The following PXK variants were observed in gnomAD, a reference collection of about 807,000 sequenced individuals.
PXK encodes the protein PX domain containing serine/threonine kinase like.
A neutral mutation model predicts 84.7 loss-of-function variants in PXK; 35 were observed. That is an observed-to-expected ratio of 0.41 (90% CI 0.32 to 0.55). The LOEUF (loss-of-function observed/expected upper bound fraction) is 0.55. Ranked by LOEUF, PXK falls within the 20% of genes least tolerant of loss-of-function variation. PXK has a pLI of 0.21. For missense variants in PXK, 634 were observed against 699.7 expected (o/e 0.91, Z 1.06); for synonymous variants, 253 against 260.8 (o/e 0.97, Z 0.29).
chr3:58,377,616 AAAAAG>A (rs200403964), intron 3 of PXK, among the ~76,000 whole-genome samples: 42,426 of 149,254 alleles, frequency 0.28, 6,673 homozygotes, highest in Middle Eastern at 0.38. Flanking sequence ...AAAAAAAAAA[AAAAAG>A]AAAAGAAAGA....
At chr3:58,341,734 TG>T (rs2097735604) in intron 1 of PXK, among the ~76,000 whole-genome samples, 2 of 151,818 alleles carry the variant, frequency 1.3e-5, no homozygotes, top group African/African-American at 4.8e-5. Context: ...TGAGGAGTCT[TG>T]CTTTGTTGCC....
At position 58,400,682 on chromosome 3, in the gene PXK, G is replaced by C. The variant is rs1053710469; in HGVS notation, c.1181+1305G>C. Among the ~76,000 whole-genome samples the C allele has an allele frequency of 6.6e-6, 1 of 152,048 alleles. No individual in the cohort carries two copies. The highest frequency in any genetic ancestry group is 1.5e-5 in the Non-Finnish European group (1 of 68,006). On this transcript the variant is annotated intron_variant, in intron 12 of 17. Transcript: ENST00000356151. This position sits in a 1 kb window ranked among gnomAD's most constrained non-coding sequence, Gnocchi z 4.0. ...TCCCAGCACTTTGGGAGGCTGAGGC[G>C]GGTGGATCACTTGAGGTCAGGAGTT... is the stretch of plus-strand genomic sequence containing the variant.
At chr3:58,372,643 T>C (rs1348941613) in intron 3 of PXK, among the ~76,000 whole-genome samples, 2 of 151,782 alleles carry the variant, frequency 1.3e-5, no homozygotes, top group Non-Finnish European at 2.9e-5. Flanking sequence ...TTTTTTTTTT[T>C]TGAGATGGAG....
In PXK at chr3:58,401,934, G is replaced by A. The variant is rs1221648761; in HGVS notation, c.1182-1928G>A. On this transcript the variant is annotated intron_variant, in intron 12 of 17. Transcript: ENST00000356151. This position sits in a 1 kb window ranked among gnomAD's most constrained non-coding sequence, Gnocchi z 4.4. ...AAAATAAAACAAACTGGGGGCGCAG[G>A]ATATTCAGCCAGGCATACTGGCACA... Among the ~76,000 whole-genome samples, 2 of 152,030 alleles carry A rather than the reference G, an allele frequency of 1.3e-5. No individual in the cohort carries two copies. Among genetic ancestry groups the A allele is most frequent in the African/African-American group, 2.4e-5 (1 of 41,400 alleles).
Position 58,364,837 on chromosome 3 carries a change from C to G in PXK, c.103-1037C>G, listed in dbSNP as rs1429953406. On this transcript the variant is annotated intron_variant, in intron 1 of 17. Coordinates refer to ENST00000356151, the MANE Select transcript of PXK (RefSeq NM_017771.5). This position sits in a 1 kb window ranked among gnomAD's most constrained non-coding sequence, Gnocchi z 4.3. ...TCAAATTGATATATGTAGAATCGTTCACAGCATTCCCTTATCCATTTGATA... is the reference window on the plus strand; with the variant it reads ...TCAAATTGATATATGTAGAATCGTTGACAGCATTCCCTTATCCATTTGATA... Among the ~76,000 whole-genome samples, 1 of 152,144 alleles carries G rather than the reference C, an allele frequency of 6.6e-6. No individual in the cohort carries two copies. Among genetic ancestry groups the G allele is most frequent in the East Asian group, 1.9e-4 (1 of 5,192 alleles).
At chr3:58,365,114 T>G (rs1192738463) in intron 1 of PXK, among the ~76,000 whole-genome samples, 1 of 152,018 alleles carries the variant, frequency 6.6e-6, no homozygotes, top group Non-Finnish European at 1.5e-5. Flanking sequence ...GTTATTGATT[T>G]GATAGTTTTT....
intron 1 of PXK, among the ~76,000 whole-genome samples, chr3:58,347,333 A>G (rs567679089): frequency 7.2e-4 from 109 of 152,286 alleles, no homozygotes; most frequent in African/African-American, 2.6e-3. Flanking sequence ...ACAAATATAT[A>G]TATACACACC....
In PXK at chr3:58,412,407, A is replaced by G. The variant is rs1214698848; in HGVS notation, c.1466-494A>G. ...GCTGTGAAATCCATAAACTGAATAG[A>G]CTGACCCTATCTAGTTGATTCTACC... On this transcript the variant is annotated intron_variant, in intron 16 of 17. Coordinates refer to ENST00000356151, the MANE Select transcript of PXK (RefSeq NM_017771.5). This position sits in a 1 kb window ranked among gnomAD's most constrained non-coding sequence, Gnocchi z 6.2. Among the ~76,000 whole-genome samples the G allele has an allele frequency of 6.6e-6, 1 of 152,136 alleles. No individual in the cohort carries two copies. The highest frequency in any genetic ancestry group is 1.5e-5 in the Non-Finnish European group (1 of 68,034).
chr3:58,372,293 GCTAT>G (rs1451744022), intron 3 of PXK, among the ~76,000 whole-genome samples: 2 of 151,884 alleles, frequency 1.3e-5, no homozygotes, highest in African/African-American at 2.4e-5. Flanking sequence ...GCACATGTAG[GCTAT>G]CTAAGTGGAA....
chr3:58,419,505 G>A (rs2107756579), intron 17 of PXK, among the ~76,000 whole-genome samples: 1 of 152,294 alleles, frequency 6.6e-6, no homozygotes, highest in East Asian at 1.9e-4. Flanking sequence ...CGCCCGCCTT[G>A]GCCTCCCAAA....
intron 3 of PXK, among the ~76,000 whole-genome samples, chr3:58,374,030 C>T (rs1457757940): frequency 2.9e-5 from 4 of 135,636 alleles, no homozygotes; most frequent in Non-Finnish European, 6.2e-5. Flanking sequence ...GGCGACAGAG[C>T]GAGACTCCGT....
rs557815659 is a variant in PXK at position 58,409,707 on chromosome 3, G to A, written c.1395+89G>A. ...GGTTAATGGTGCCCATTTAATGACAGATGCTGTGCTATATCTCCTTGAAAG... is the reference window on the plus strand; with the variant it reads ...GGTTAATGGTGCCCATTTAATGACAAATGCTGTGCTATATCTCCTTGAAAG... On this transcript the variant is annotated intron_variant, in intron 15 of 17. Coordinates refer to ENST00000356151, the MANE Select transcript of PXK (RefSeq NM_017771.5). The surrounding 1 kb of genome is among the most constrained non-coding windows in gnomAD (Gnocchi z 4.2). 5.8e-5 allele frequency: 61 copies of A among 1,050,688 alleles called. No individual in the cohort carries two copies. The African/African-American group carries it at 7.3e-4, about 13-fold the overall frequency. 65.1% of individuals were successfully genotyped at this position (1,050,688 alleles called of 1,614,324 possible). A position where few individuals can be genotyped will look rare whatever the true frequency, so the allele number is the denominator to read the frequency against.
chr3:58,368,471 C>T (rs980602497), intron 2 of PXK, among the ~76,000 whole-genome samples: 2 of 151,978 alleles, frequency 1.3e-5, no homozygotes, highest in Non-Finnish European at 2.9e-5. Flanking sequence ...TACAGGTGCT[C>T]GCCACCATGC....
rs752411806 is a variant in PXK, at chr3:58,386,290, C to CTTTTTTTTTTTTTTTTTTTT, written c.388+3594_388+3613dup. On this transcript the variant is annotated intron_variant, in intron 4 of 17. Transcript: ENST00000356151. Reference sequence around the variant, plus strand: ...CTATCTCACACATATATCCCCCTTACTTTTTTTTTTTTTTTTTTTTTTTGA... The same window carrying CTTTTTTTTTTTTTTTTTTTT: ...CTATCTCACACATATATCCCCCTTACTTTTTTTTTTTTTTTTTTTTTTTTTTTTTTTTTTTTTTTTTTTGA... 1.2e-4 allele frequency among the ~76,000 whole-genome samples: 10 copies of CTTTTTTTTTTTTTTTTTTTT among 82,264 alleles called. 1 individual carries two copies. The highest frequency in any genetic ancestry group is 2.4e-4 in the African/African-American group (5 of 20,524). 54.0% of individuals were successfully genotyped at this position (82,264 alleles called of 152,430 possible).
At chr3:58,369,566 C>G in intron 3 of PXK, 88 bp downstream of exon 3, 1 of 1,045,996 alleles carries the variant, frequency 9.6e-7, no homozygotes, top group South Asian at 1.3e-5. Context: ...GGCTCAACGC[C>G]TGTAATCCCA....
At chr3:58,348,018 AT>A (rs2097853550) in intron 1 of PXK, among the ~76,000 whole-genome samples, 1 of 151,878 alleles carries the variant, frequency 6.6e-6, no homozygotes, top group African/African-American at 2.4e-5. Flanking sequence ...GGTTCAAGTG[AT>A]TTTCCTGCCT....
At position 58,403,900 on chromosome 3, in the gene PXK, C is replaced by A; in HGVS notation, c.1220C>A (p.Pro407Gln). The A allele has an allele frequency of 6.5e-7, 1 of 1,534,138 alleles. No individual in the cohort carries two copies. Among genetic ancestry groups the A allele is most frequent in the Non-Finnish European group, 8.9e-7 (1 of 1,128,668 alleles). ...GTTTTACTAACCACTTCTGAAAAAC[C>A]ACAGTTTAAGGTAAAGACAATTATA... ...SDVLLTTSEK[P>Q]QFKIPTKLKE... The change falls in exon 13 of 18, where the codon CCA becomes CAA. Residue 407 changes from proline to glutamine, a missense_variant. Around this residue, in one of 3 missense-constraint regions of PXK, gnomAD observed 273 missense variants for 283.6 expected, o/e 0.96. Transcript: ENST00000356151.
At chr3:58,391,079 A>G (rs185344476) in intron 5 of PXK, 68 bp from the exon 6 acceptor site, 1 of 1,098,042 alleles carries the variant, frequency 9.1e-7, no homozygotes, top group Admixed American at 1.8e-5. Context: ...TTGATTACCT[A>G]GTCAGTGAAA....
At chr3:58,334,348 G>A (rs973557940) in intron 1 of PXK, among the ~76,000 whole-genome samples, 2 of 152,158 alleles carry the variant, frequency 1.3e-5, no homozygotes, top group African/African-American at 4.8e-5. Flanking sequence ...CTGTAGACAT[G>A]TGAGAAGGCA....
Sources: allele counts gnomAD v4.1 joint callset (sites outside exome capture counted in the v4.1 genomes callset), GRCh38; gene constraint gnomAD v4.1.1; regional missense constraint gnomAD v4.1.1; non-coding constraint Gnocchi (gnomAD v3.1); transcripts MANE v1.5; gene names NCBI Gene and HGNC (gene_info 2026-07-23, HGNC 2026-07-21).